Variants in ACTR3C observed in about 807,000 individuals in gnomAD.
The protein encoded by ACTR3C is actin-related protein 3C.
Under a neutral mutation model 26.3 loss-of-function variants are expected in ACTR3C, and 18 were observed. The observed-to-expected ratio is 0.68, with a 90% CI of 0.47 to 1.01. The LOEUF is 1.01. Ranked by LOEUF, ACTR3C falls within the 50% of genes least tolerant of loss-of-function variation. The pLI, the probability that ACTR3C is intolerant of heterozygous loss-of-function variation, is 0.00. For synonymous variants in ACTR3C, 55 were observed against 94.5 expected, an observed-to-expected ratio of 0.58 and a Z score of 2.42; for missense variants, 184 against 250.7, an observed-to-expected ratio of 0.73 and a Z score of 1.80.
At chr7:149,954,920 T>C in the ACTR3C span, among the ~76,000 whole-genome samples, 2 of 152,264 alleles carry the variant, frequency 1.3e-5, no homozygotes. Context: ...TGATTGGTCC[T>C]GCTGCAAGCA....
chr7:150,125,379 C>T, the ACTR3C span, among the ~76,000 whole-genome samples: 2 of 151,282 alleles, frequency 1.3e-5, no homozygotes, highest in African/African-American at 2.4e-5. Context: ...GTAAAATGAT[C>T]CCCACTTTCC....
At chr7:150,016,951 G>A in the ACTR3C span, among the ~76,000 whole-genome samples, 1 of 152,044 alleles carries the variant, frequency 6.6e-6, no homozygotes, top group Non-Finnish European at 1.5e-5. Context: ...CCCAGGACTG[G>A]GGTTAATCAG....
the ACTR3C span, among the ~76,000 whole-genome samples, chr7:150,009,731 GAGA>G: frequency 6.6e-6 from 1 of 152,216 alleles, no homozygotes; most frequent in Non-Finnish European, 1.5e-5. Context: ...AGAAACACCA[GAGA>G]AGAACGATCA....
the ACTR3C span, among the ~76,000 whole-genome samples, chr7:150,181,697 T>C: frequency 3.3e-5 from 5 of 150,808 alleles, no homozygotes; most frequent in African/African-American, 1.2e-4. Flanking sequence ...AGAGGAAATA[T>C]TTTACAAATT....
At chr7:150,101,103 T>C in the ACTR3C span, among the ~76,000 whole-genome samples, 1 of 151,570 alleles carries the variant, frequency 6.6e-6, no homozygotes, top group Non-Finnish European at 1.5e-5. Flanking sequence ...TTATCCTTCA[T>C]AGGACTCTAC....
At chr7:150,165,678 G>C in the ACTR3C span, among the ~76,000 whole-genome samples, 1 of 142,896 alleles carries the variant, frequency 7.0e-6, no homozygotes, top group Non-Finnish European at 1.5e-5. Flanking sequence ...CCCCTTTCCT[G>C]CCATCATCCA....
At chr7:150,239,534 CTCTCTCTATATATATA>C (rs1832059201), downstream of ACTR3C, among the ~76,000 whole-genome samples, 1 of 118,420 alleles carries the variant, frequency 8.4e-6, no homozygotes, top group African/African-American at 3.8e-5. Flanking sequence ...CTCTCTCTCT[CTCTCTCTATATATATA>C]TATATATATA....
chr7:150,142,350 G>A, the ACTR3C span, among the ~76,000 whole-genome samples: 1 of 152,156 alleles, frequency 6.6e-6, no homozygotes, highest in Non-Finnish European at 1.5e-5. Flanking sequence ...ACCTGCTCGG[G>A]TGGAGGGAAT....
chr7:150,025,486 AGTT>A, the ACTR3C span, among the ~76,000 whole-genome samples: 1 of 147,548 alleles, frequency 6.8e-6, no homozygotes. Context: ...CACACAGGGA[AGTT>A]GAAGAAAGAC....
the ACTR3C span, among the ~76,000 whole-genome samples, chr7:150,068,620 T>TA: frequency 6.5e-5 from 4 of 61,544 alleles, no homozygotes; most frequent in Non-Finnish European, 1.7e-4. Flanking sequence ...CTACTAAAAA[T>TA]ACAAAAAAAA....
At chr7:150,111,158 G>A in the ACTR3C span, among the ~76,000 whole-genome samples, 1 of 138,638 alleles carries the variant, frequency 7.2e-6, no homozygotes, top group Non-Finnish European at 1.6e-5. Flanking sequence ...GCTCATTCTG[G>A]GGCAAGTCAC....
At chr7:150,101,579 A>G in the ACTR3C span, among the ~76,000 whole-genome samples, 1 of 151,768 alleles carries the variant, frequency 6.6e-6, no homozygotes, top group East Asian at 1.9e-4. Flanking sequence ...CCCAGAGGAG[A>G]GCGGGGCTGC....
At chr7:150,172,945 T>C in the ACTR3C span, among the ~76,000 whole-genome samples, 1 of 149,398 alleles carries the variant, frequency 6.7e-6, no homozygotes, top group Non-Finnish European at 1.5e-5. Flanking sequence ...TGGGTTCCCA[T>C]GGTCTTGGGC....
the ACTR3C span, chr7:149,881,933 A>T: frequency 6.5e-6 from 1 of 153,214 alleles, no homozygotes; most frequent in Non-Finnish European, 1.5e-5. Flanking sequence ...GTAAAGTCAG[A>T]CTGCAGTGGG....
the ACTR3C span, among the ~76,000 whole-genome samples, chr7:149,886,698 G>C: frequency 6.6e-6 from 1 of 152,210 alleles, no homozygotes; most frequent in Non-Finnish European, 1.5e-5. Flanking sequence ...TCTCACACCT[G>C]TAATCCTAGC....
chr7:150,197,259 C>A, the ACTR3C span, among the ~76,000 whole-genome samples: 2 of 152,194 alleles, frequency 1.3e-5, no homozygotes, highest in Non-Finnish European at 1.5e-5. Flanking sequence ...ATGAACCCTG[C>A]CTTCTCCGCA....
the ACTR3C span, among the ~76,000 whole-genome samples, chr7:150,070,641 G>A: frequency 6.6e-6 from 1 of 150,750 alleles, no homozygotes; most frequent in South Asian, 2.1e-4. Flanking sequence ...AGTAGAGATG[G>A]GGTTTTGCCA....
chr7:149,943,554 C>T, the ACTR3C span, among the ~76,000 whole-genome samples: 6 of 151,658 alleles, frequency 4.0e-5, no homozygotes, highest in East Asian at 7.8e-4. Flanking sequence ...TGGTGAAACC[C>T]GGTCTCTACT....
At chr7:149,937,469 A>G in the ACTR3C span, among the ~76,000 whole-genome samples, 1 of 152,082 alleles carries the variant, frequency 6.6e-6, no homozygotes, top group African/African-American at 2.4e-5. Context: ...TTTAATACGT[A>G]TTTATTTCCT....
Sources: allele counts gnomAD v4.1 joint callset (sites outside exome capture counted in the v4.1 genomes callset), GRCh38; gene constraint gnomAD v4.1.1; transcripts MANE v1.5; gene names NCBI Gene and HGNC (gene_info 2026-07-23, HGNC 2026-07-21).